The following SUGCT variants were observed in gnomAD, a reference collection of about 807,000 sequenced individuals.
SUGCT encodes the protein succinyl-CoA:glutarate CoA-transferase.
Under a neutral mutation model 55.0 loss-of-function variants are expected in SUGCT, and 41 were observed. That is an observed-to-expected ratio of 0.74 (90% confidence interval 0.58 to 0.97). The LOEUF is 0.97. Among genes scored for constraint, SUGCT ranks in the 50% least tolerant of loss-of-function variants. The pLI, the probability that SUGCT is intolerant of heterozygous loss-of-function variation, is 0.00. For synonymous variants in SUGCT, 187 were observed against 200.4 expected (o/e 0.93, Z 0.56); for missense variants, 568 against 547.8 (o/e 1.04, Z -0.37).
intron 11 of SUGCT, among the ~76,000 whole-genome samples, chr7:40,477,116 A>G (rs1404728003): frequency 1.3e-5 from 2 of 152,246 alleles, no homozygotes; most frequent in African/African-American, 2.4e-5. Context: ...CATGTTTCTC[A>G]TAATAATGCT....
chr7:40,344,593 C>A (rs1442045087), intron 9 of SUGCT, among the ~76,000 whole-genome samples: 2 of 152,156 alleles, frequency 1.3e-5, no homozygotes, highest in Admixed American at 1.3e-4. Flanking sequence ...GCTAAAATAA[C>A]GGAGTTGAGC....
intron 12 of SUGCT, among the ~76,000 whole-genome samples, chr7:40,691,033 A>G (rs1263545563): frequency 6.6e-6 from 1 of 152,210 alleles, no homozygotes; most frequent in South Asian, 2.1e-4. Context: ...TGGCTGTCTG[A>G]TATTTCCTCT....
intron 10 of SUGCT, among the ~76,000 whole-genome samples, chr7:40,454,830 C>T (rs1166654482): frequency 1.3e-5 from 2 of 152,064 alleles, no homozygotes; most frequent in Admixed American, 1.3e-4. Context: ...GAATTTGTAG[C>T]CAGCTGACTT....
At chr7:40,633,854 G>A (rs943276787) in intron 12 of SUGCT, among the ~76,000 whole-genome samples, 1 of 152,036 alleles carries the variant, frequency 6.6e-6, no homozygotes, top group African/African-American at 2.4e-5. Context: ...TCAGACCTTT[G>A]CATTACCTAT....
chr7:40,390,504 G>C (rs1180056773), intron 9 of SUGCT, among the ~76,000 whole-genome samples: 1 of 152,142 alleles, frequency 6.6e-6, no homozygotes, highest in East Asian at 1.9e-4. Flanking sequence ...GACAAACAGA[G>C]AGCCAAATCG....
chr7:40,282,853 G>A (rs1209659839), intron 8 of SUGCT, among the ~76,000 whole-genome samples: 4 of 152,056 alleles, frequency 2.6e-5, no homozygotes, highest in African/African-American at 9.7e-5. Flanking sequence ...GTGACAGAGC[G>A]AGACCCTATC....
At chr7:40,843,067 T>TA in intron 13 of SUGCT, among the ~76,000 whole-genome samples, 1 of 152,258 alleles carries the variant, frequency 6.6e-6, no homozygotes, top group South Asian at 2.1e-4. Context: ...CTTGAGGAAA[T>TA]ACAAAGATCT....
At chr7:40,445,490 A>G (rs920519765) in intron 9 of SUGCT, among the ~76,000 whole-genome samples, 3 of 152,210 alleles carry the variant, frequency 2.0e-5, no homozygotes, top group African/African-American at 7.2e-5. Flanking sequence ...AGGCTCCGAA[A>G]TTGAGGCAAT....
intron 6 of SUGCT, among the ~76,000 whole-genome samples, chr7:40,198,365 G>A (rs1194740919): frequency 1.3e-5 from 2 of 152,138 alleles, no homozygotes; most frequent in African/African-American, 4.8e-5. Context: ...TTGTAATTAG[G>A]TGACACTGAA....
chr7:40,996,341 C>T, the SUGCT span, among the ~76,000 whole-genome samples: 67 of 152,296 alleles, frequency 4.4e-4, no homozygotes, highest in African/African-American at 1.5e-3. Flanking sequence ...AAATTTGCAG[C>T]CTCAGCTTCT....
intron 12 of SUGCT, among the ~76,000 whole-genome samples, chr7:40,582,834 C>T (rs1797175730): frequency 1.3e-5 from 2 of 152,128 alleles, no homozygotes; most frequent in South Asian, 4.1e-4. Context: ...TATATTAGCT[C>T]TGTATCCAAA....
the SUGCT span, among the ~76,000 whole-genome samples, chr7:41,016,256 G>A: frequency 6.6e-6 from 1 of 152,056 alleles, no homozygotes; most frequent in Non-Finnish European, 1.5e-5. Flanking sequence ...TTATTTTTAC[G>A]TTTGGTAAGT....
At chr7:40,325,258 A>T (rs1795970548) in intron 9 of SUGCT, among the ~76,000 whole-genome samples, 1 of 152,088 alleles carries the variant, frequency 6.6e-6, no homozygotes, top group Non-Finnish European at 1.5e-5. Context: ...TCAAAATATA[A>T]ATGATATACA....
At chr7:40,344,188 G>A (rs1797197751) in intron 9 of SUGCT, among the ~76,000 whole-genome samples, 1 of 152,128 alleles carries the variant, frequency 6.6e-6, no homozygotes, top group Non-Finnish European at 1.5e-5. Context: ...CCAACCACAT[G>A]AGTTCATAGA....
At chr7:40,429,526 A>G (rs554625745) in intron 9 of SUGCT, among the ~76,000 whole-genome samples, 1 of 152,200 alleles carries the variant, frequency 6.6e-6, no homozygotes, top group South Asian at 2.1e-4. Flanking sequence ...TCTGTGGTCA[A>G]AGGTCCACGA....
intron 9 of SUGCT, among the ~76,000 whole-genome samples, chr7:40,342,842 C>T (rs1309135014): frequency 1.3e-5 from 2 of 152,078 alleles, no homozygotes; most frequent in Non-Finnish European, 2.9e-5. Flanking sequence ...GGGGTTTCAC[C>T]ATGTTGGTCA....
rs1792337101 is a variant in SUGCT, at chr7:40,274,591, G to A, written c.655G>A (p.Gly219Arg). The change falls in exon 8 of 14, where the codon GGA (glycine) becomes AGA (arginine). Residue 219 changes from glycine to arginine, a missense_variant. By Grantham distance (125) the Gly-to-Arg change is moderately radical. Transcript: ENST00000335693. ...GTATGCATATGGAGCTATTATGGCTGGATTGATACAAAAATACAAAACTGG... is the reference window on the plus strand; with the variant it reads ...GTATGCATATGGAGCTATTATGGCTAGATTGATACAAAAATACAAAACTGG... ...GLYAYGAIMA[G>R]LIQKYKTGKG... 1.2e-6 allele frequency: 2 copies of A among 1,613,652 alleles called. No individual in the cohort carries two copies. Among genetic ancestry groups the A allele is most frequent in the Middle Eastern group, 1.7e-4 (1 of 6,060 alleles).
At chr7:40,322,135 A>T (rs1461483378) in intron 9 of SUGCT, among the ~76,000 whole-genome samples, 1 of 152,170 alleles carries the variant, frequency 6.6e-6, no homozygotes. Flanking sequence ...GATGAAATGT[A>T]CCCAGTCTTA....
rs758516358 is a variant in SUGCT, at chr7:40,684,061, T to C, written c.1090-65373T>C. 21 of 1,612,364 alleles carry C rather than the reference T, an allele frequency of 1.3e-5. No homozygotes were observed. In the East Asian group the frequency reaches 4.7e-4, roughly 36 times the overall value. On this transcript the variant is annotated intron_variant, in intron 12 of 13. Coordinates refer to ENST00000335693, the MANE Select transcript of SUGCT (RefSeq NM_001193313.2). ...TCTTTGCTGGTTGTCAATAGAACGC[T>C]GTCTCTGGCTTCCAAAGCCTGCTGC...
Sources: allele counts gnomAD v4.1 joint callset (sites outside exome capture counted in the v4.1 genomes callset), GRCh38; gene constraint gnomAD v4.1.1; transcripts MANE v1.5; gene names NCBI Gene and HGNC (gene_info 2026-07-23, HGNC 2026-07-21).